Variants in EXOC6B observed in about 807,000 individuals in gnomAD.
EXOC6B encodes SEC15 homolog B.
A neutral mutation model predicts 113.5 loss-of-function variants in EXOC6B; 54 were observed. That is an observed-to-expected ratio of 0.48 (90% confidence interval 0.38 to 0.60). The LOEUF (loss-of-function observed/expected upper bound fraction) is 0.60, where lower values mean the gene tolerates loss of function less well. Among genes scored for constraint, EXOC6B ranks in the 20% least tolerant of loss-of-function variants. EXOC6B has a pLI of 0.00. For missense variants in EXOC6B, 797 were observed against 977.5 expected, an observed-to-expected ratio of 0.82 and a Z score of 2.46; for synonymous variants, 357 against 339.0, an observed-to-expected ratio of 1.05 and a Z score of -0.58.
chr2:72,804,973 G>A (rs1347667153), intron 1 of EXOC6B, among the ~76,000 whole-genome samples: 6 of 152,084 alleles, frequency 3.9e-5, no homozygotes, highest in South Asian at 2.1e-4. Context: ...GCCAACTGAC[G>A]AAACCAAGGA....
rs1683075472 is a variant in EXOC6B, at chr2:72,252,340, TCTA to T, written c.2197-68156_2197-68154del. 2.0e-5 allele frequency among the ~76,000 whole-genome samples: 3 copies of T among 152,316 alleles called. No homozygotes were observed. The South Asian group carries it at 6.2e-4, about 32-fold the overall frequency. ...GCTGATGAAATACACATCCCTACTGTCTACTATTATCATAGGAGTAAAATACTG... is the reference window on the plus strand; with the variant it reads ...GCTGATGAAATACACATCCCTACTGTCTATTATCATAGGAGTAAAATACTG... On this transcript the variant is annotated intron_variant, in intron 20 of 21. Coordinates refer to ENST00000272427, the MANE Select transcript of EXOC6B (RefSeq NM_015189.3).
chr2:72,823,491 A>AAAAAAAAC (rs1278377225), intron 1 of EXOC6B, among the ~76,000 whole-genome samples: 1 of 150,290 alleles, frequency 6.7e-6, no homozygotes, highest in African/African-American at 2.4e-5. Context: ...AAAAACAAAA[A>AAAAAAAAC]AAAAGACAGT....
intron 5 of EXOC6B, among the ~76,000 whole-genome samples, chr2:72,724,506 C>T (rs920773808): frequency 2.6e-5 from 4 of 151,904 alleles, no homozygotes; most frequent in Non-Finnish European, 5.9e-5. Flanking sequence ...AAAAAAGCAC[C>T]CCAAAATCCA....
At chr2:72,513,445 C>A (rs935915109) in intron 10 of EXOC6B, among the ~76,000 whole-genome samples, 193 bp from the exon 11 acceptor site, 1 of 152,040 alleles carries the variant, frequency 6.6e-6, no homozygotes, top group East Asian at 1.9e-4. Flanking sequence ...ATCATGACAT[C>A]TTCATAACCA....
chr2:72,449,286 C>T (rs748748713), intron 18 of EXOC6B, among the ~76,000 whole-genome samples: 1 of 151,936 alleles, frequency 6.6e-6, no homozygotes, highest in African/African-American at 2.4e-5. Flanking sequence ...GAGTTCACGC[C>T]ATTGTCCTGC....
At chr2:72,802,014 A>G (rs892802639) in intron 1 of EXOC6B, among the ~76,000 whole-genome samples, 1 of 152,258 alleles carries the variant, frequency 6.6e-6, no homozygotes, top group East Asian at 1.9e-4. Flanking sequence ...TATTAGACAC[A>G]TATATAAAGA....
At chr2:72,439,056 G>A (rs1696043709) in intron 18 of EXOC6B, among the ~76,000 whole-genome samples, 1 of 152,076 alleles carries the variant, frequency 6.6e-6, no homozygotes, top group Admixed American at 6.6e-5. Context: ...CTGTTACCTT[G>A]GGTATCTTAC....
At chr2:72,616,954 A>G (rs546885298) in intron 6 of EXOC6B, among the ~76,000 whole-genome samples, 1 of 152,310 alleles carries the variant, frequency 6.6e-6, no homozygotes, top group South Asian at 2.1e-4. Context: ...ATCAAAAGCA[A>G]GTTAGTTACT....
chr2:72,407,205 A>G (rs1693839942), intron 18 of EXOC6B, among the ~76,000 whole-genome samples: 1 of 152,222 alleles, frequency 6.6e-6, no homozygotes, highest in African/African-American at 2.4e-5. Context: ...ACAGGCTCTG[A>G]AATTGAGGCA....
At chr2:72,596,951 C>A (rs1033017357) in intron 6 of EXOC6B, among the ~76,000 whole-genome samples, 4 of 151,180 alleles carry the variant, frequency 2.6e-5, no homozygotes, top group African/African-American at 9.7e-5. Flanking sequence ...ATCTTAATAT[C>A]TAATGCATCA....
chr2:72,423,898 T>G (rs376115276), intron 18 of EXOC6B, among the ~76,000 whole-genome samples: 9 of 152,304 alleles, frequency 5.9e-5, no homozygotes, highest in African/African-American at 1.9e-4. Context: ...TCATTACACA[T>G]TACTGAGAAT....
intron 6 of EXOC6B, among the ~76,000 whole-genome samples, chr2:72,684,912 A>G (rs1304920057): frequency 6.6e-6 from 1 of 152,152 alleles, no homozygotes; most frequent in Non-Finnish European, 1.5e-5. Context: ...CAGGCAAGAT[A>G]GGGGTTTAGG....
intron 20 of EXOC6B, among the ~76,000 whole-genome samples, chr2:72,329,908 CTG>C (rs1245569773): frequency 1.4e-4 from 22 of 152,170 alleles, no homozygotes; most frequent in Non-Finnish European, 1.9e-4. Flanking sequence ...TGGAAATGCA[CTG>C]TGTTTACTTT....
At chr2:72,330,668 T>C (rs1572923582) in intron 20 of EXOC6B, among the ~76,000 whole-genome samples, 1 of 152,202 alleles carries the variant, frequency 6.6e-6, no homozygotes, top group East Asian at 1.9e-4. Flanking sequence ...ACAAACTTGC[T>C]CTTCATTTGC....
intron 6 of EXOC6B, among the ~76,000 whole-genome samples, chr2:72,701,660 A>G (rs1475523613): frequency 6.6e-6 from 1 of 152,136 alleles, no homozygotes; most frequent in African/African-American, 2.4e-5. Context: ...TACTTCCCGG[A>G]GTCTATCTTA....
At chr2:72,459,301 GGGA>G in intron 18 of EXOC6B, among the ~76,000 whole-genome samples, 1 of 152,164 alleles carries the variant, frequency 6.6e-6, no homozygotes, top group Non-Finnish European at 1.5e-5. Context: ...GCACAAGACA[GGGA>G]TGCCCTCTCT....
chr2:72,462,820 A>G (rs1184490112), intron 18 of EXOC6B: 2 of 152,072 alleles, frequency 1.3e-5, no homozygotes, highest in Admixed American at 6.6e-5. Context: ...TATTTTATAG[A>G]ACTTCTAAAG....
chr2:72,596,372 A>G (rs1670079496), intron 6 of EXOC6B, among the ~76,000 whole-genome samples: 1 of 152,238 alleles, frequency 6.6e-6, no homozygotes, highest in Admixed American at 6.5e-5. Context: ...ATGATACATA[A>G]TTACTGGAAC....
intron 1 of EXOC6B, among the ~76,000 whole-genome samples, chr2:72,771,917 G>A (rs564851754): frequency 6.6e-6 from 1 of 152,262 alleles, no homozygotes; most frequent in East Asian, 1.9e-4. Context: ...TATTAAAACT[G>A]AGGAGCGATG....
Sources: allele counts gnomAD v4.1 joint callset (sites outside exome capture counted in the v4.1 genomes callset), GRCh38; gene constraint gnomAD v4.1.1; transcripts MANE v1.5; gene names NCBI Gene and HGNC (gene_info 2026-07-23, HGNC 2026-07-21).